COL5A2: variants seen among roughly 807,000 people sequenced by gnomAD.
The protein encoded by COL5A2 is collagen alpha-2(V) chain.
In COL5A2, 23 loss-of-function variants were observed where a neutral mutation model predicts 208.2. The observed-to-expected ratio is 0.11, with a 90% CI of 0.08 to 0.16. The LOEUF is 0.16. Ranked by LOEUF, COL5A2 falls within the 10% of genes least tolerant of loss-of-function variation. The pLI is 1.00. For synonymous variants in COL5A2, 625 were observed against 628.5 expected, an observed-to-expected ratio of 0.99 and a Z score of 0.08; for missense variants, 1,590 against 1,956.4, an observed-to-expected ratio of 0.81 and a Z score of 3.53.
rs58636533 is a variant in COL5A2, at chr2:189,072,765, C to CAAAA, written c.1105-676_1105-673dup. Among the ~76,000 whole-genome samples, 447 of 67,482 alleles carry CAAAA rather than the reference C, an allele frequency of 6.6e-3. 5 individuals are homozygous for CAAAA. Among genetic ancestry groups the CAAAA allele is most frequent in the African/African-American group, 0.022 (401 of 18,128 alleles). The allele number at this position is 67,482 out of a possible 152,430, so 44.3% of individuals were successfully genotyped here. A position where few individuals can be genotyped will look rare whatever the true frequency, so the allele number is the denominator to read the frequency against. On this transcript the variant is annotated intron_variant, in intron 17 of 53. Transcript: ENST00000374866. ...CCAACCTGCAGTCAGACTCCATCTC[C>CAAAA]AAAAAAAAAAAAAAAAAAAAACCAT...
intron 30 of COL5A2, 23 bp downstream of exon 30, chr2:189,061,539 T>C (rs200083444): frequency 1.9e-6 from 3 of 1,586,868 alleles, no homozygotes; most frequent in East Asian, 4.5e-5. Context: ...GAAGATGAAA[T>C]GGAAAACCGA....
At chr2:189,107,142 C>A (rs1687166690) in intron 2 of COL5A2, among the ~76,000 whole-genome samples, 1 of 151,510 alleles carries the variant, frequency 6.6e-6, no homozygotes, top group African/African-American at 2.4e-5. Context: ...AGCATTAAAA[C>A]CATCTGATTT....
intron 29 of COL5A2, 21 bp downstream of exon 29, chr2:189,062,836 TCACACACA>T: frequency 6.2e-7 from 1 of 1,604,522 alleles, no homozygotes; most frequent in Middle Eastern, 1.7e-4. Flanking sequence ...ATATATATTC[TCACACACA>T]CACACACAAA....
At chr2:189,322,064 C>A in the COL5A2 span, among the ~76,000 whole-genome samples, 217 of 152,324 alleles carry the variant, frequency 1.4e-3, no homozygotes, top group Middle Eastern at 3.4e-3. Context: ...GAACAACCTG[C>A]TCCTGAATGA....
the COL5A2 span, among the ~76,000 whole-genome samples, chr2:189,296,418 T>C: frequency 1.3e-5 from 2 of 152,300 alleles, no homozygotes; most frequent in African/African-American, 2.4e-5. Context: ...TCTACTAACA[T>C]CTATGTCTGT....
At chr2:189,212,105 A>C (rs3914569) in intron 1 of COL5A2, among the ~76,000 whole-genome samples, 149,793 of 152,250 alleles carry the variant, frequency 0.98, 73,729 homozygotes, top group East Asian at 1. Flanking sequence ...TGTTTAGAAT[A>C]ACCATTGCAG....
the COL5A2 span, among the ~76,000 whole-genome samples, chr2:189,327,634 A>T: frequency 1.7e-4 from 26 of 152,326 alleles, no homozygotes; most frequent in African/African-American, 5.3e-4. Context: ...AAGAGTTGAA[A>T]GATAACTTGA....
the COL5A2 span, among the ~76,000 whole-genome samples, chr2:189,256,989 G>A: frequency 6.6e-6 from 1 of 152,150 alleles, no homozygotes; most frequent in African/African-American, 2.4e-5. Context: ...TAACATTACT[G>A]TTGGAAACTT....
chr2:189,334,110 G>C, the COL5A2 span, among the ~76,000 whole-genome samples: 1 of 151,832 alleles, frequency 6.6e-6, no homozygotes, highest in Non-Finnish European at 1.5e-5. Flanking sequence ...GGAATAGATA[G>C]GAATTGTTTA....
intron 49 of COL5A2, 43 bp from the exon 50 acceptor site, chr2:189,041,736 A>G: frequency 7.9e-7 from 1 of 1,273,106 alleles, no homozygotes; most frequent in Non-Finnish European, 1.1e-6. Context: ...ATGAAGGAAA[A>G]ATTTTACAAT....
intron 1 of COL5A2, among the ~76,000 whole-genome samples, chr2:189,152,274 A>G (rs1005622600): frequency 6.6e-6 from 1 of 152,202 alleles, no homozygotes; most frequent in Admixed American, 6.5e-5. Flanking sequence ...TTAAGGTGAG[A>G]GTTTCTAACT....
At chr2:189,311,710 C>T in the COL5A2 span, 1 of 755,514 alleles carries the variant, frequency 1.3e-6, no homozygotes, top group Non-Finnish European at 2.4e-6. Flanking sequence ...GCATGGTGAC[C>T]ACTGTGGTCT....
intron 1 of COL5A2, among the ~76,000 whole-genome samples, chr2:189,131,566 A>G (rs2138373): frequency 0.77 from 117,086 of 152,068 alleles, 48,491 homozygotes; most frequent in South Asian, 0.91. Flanking sequence ...TTGAGATGCC[A>G]TTGGACATTG....
At chr2:189,249,949 C>T in the COL5A2 span, among the ~76,000 whole-genome samples, 3 of 152,184 alleles carry the variant, frequency 2.0e-5, no homozygotes, top group Admixed American at 6.5e-5. Flanking sequence ...CCCCCGGCCT[C>T]GGCATCTCAA....
At chr2:189,214,535 A>T (rs1689255196) in intron 1 of COL5A2, among the ~76,000 whole-genome samples, 1 of 152,156 alleles carries the variant, frequency 6.6e-6, no homozygotes, top group African/African-American at 2.4e-5. Context: ...TGTTTCTGGG[A>T]AGTGAAATTA....
chr2:189,169,381 A>G (rs931174749), intron 1 of COL5A2, among the ~76,000 whole-genome samples: 1 of 152,136 alleles, frequency 6.6e-6, no homozygotes, highest in Non-Finnish European at 1.5e-5. Context: ...TCATGGGGCC[A>G]TTAGAAACTC....
intron 1 of COL5A2, among the ~76,000 whole-genome samples, chr2:189,125,580 C>T (rs941801344): frequency 6.6e-6 from 1 of 152,122 alleles, no homozygotes; most frequent in East Asian, 1.9e-4. Flanking sequence ...TGATGATCCA[C>T]ATCCACTTAA....
rs932345628 is a variant in COL5A2, at chr2:189,140,552, C to CAT, written c.98-30105_98-30104dup. Among the ~76,000 whole-genome samples the CAT allele has an allele frequency of 6.6e-5, 10 of 151,944 alleles. No homozygotes were observed. The South Asian group carries it at 8.3e-4, about 13-fold the overall frequency. On this transcript the variant is annotated intron_variant, in intron 1 of 53. Coordinates refer to ENST00000374866, the MANE Select transcript of COL5A2 (RefSeq NM_000393.5). ...AGAAAAATCTATGTATGTATATGCA[C>CAT]ATATATATATAGAAAGGAAGAAAGA...
chr2:189,104,085 G>A (rs1687103784), intron 3 of COL5A2, among the ~76,000 whole-genome samples, 179 bp downstream of exon 3: 1 of 151,800 alleles, frequency 6.6e-6, no homozygotes, highest in Admixed American at 6.6e-5. Context: ...GAATGGTTAA[G>A]AGGCATCTGT....
Sources: allele counts gnomAD v4.1 joint callset (sites outside exome capture counted in the v4.1 genomes callset), GRCh38; gene constraint gnomAD v4.1.1; transcripts MANE v1.5; gene names NCBI Gene and HGNC (gene_info 2026-07-23, HGNC 2026-07-21).